The following RAB40B variants were observed in gnomAD, a reference collection of about 807,000 sequenced individuals.
The protein encoded by RAB40B is ras-related protein Rab-40B.
A neutral mutation model predicts 24.0 loss-of-function variants in RAB40B; 21 were observed. The ratio of observed to expected loss-of-function variants is 0.88; its 90% CI spans 0.62 to 1.26. The LOEUF (loss-of-function observed/expected upper bound fraction) is 1.26, where lower values mean the gene tolerates loss of function less well. Among genes scored for constraint, RAB40B ranks in the 50% most tolerant of loss-of-function variants. RAB40B has a pLI of 0.00. For missense variants in RAB40B, 348 were observed against 390.5 expected (o/e 0.89, Z 0.92); for synonymous variants, 167 against 169.8 (o/e 0.98, Z 0.13).
chr17:82,658,045 T>G lies in RAB40B; in HGVS notation c.655A>C (p.Arg219=). ...ATCGAGAAGGACTTGAGGTGGCTTC[T>G]TAAGGCAATGGGGAGCGGGAGCTTG... ...VDKLPLPIAL[R]SHLKSFSMAN... Residue 219 remains arginine (R), a synonymous_variant, in exon 6 of 6, where the codon AGA becomes CGA. Transcript: ENST00000571995. 6.2e-7 allele frequency: 1 copy of G among 1,614,208 alleles called. No homozygotes were observed. Among genetic ancestry groups the G allele is most frequent in the Non-Finnish European group, 8.5e-7 (1 of 1,180,044 alleles).
chr17:82,663,094 C>T lies in RAB40B; in HGVS notation c.203+1402G>A, dbSNP rs553239847. On this transcript the variant is annotated intron_variant, in intron 2 of 5. Coordinates refer to ENST00000571995, the MANE Select transcript of RAB40B (RefSeq NM_006822.3). This position sits in a 1 kb window ranked among gnomAD's most constrained non-coding sequence, Gnocchi z 6.2. ...GGACAGGGGCTGACGGCAACCCCAA[C>T]GCCAGCCCAGCGAGGGCATGGCCCC... Among the ~76,000 whole-genome samples, 160 of 152,258 alleles carry T rather than the reference C, an allele frequency of 1.1e-3. 1 individual carries two copies. The highest frequency in any genetic ancestry group is 3.6e-3 in the Admixed American group (55 of 15,304).
chr17:82,696,883 TTTTCTTTCC>T, intron 1 of RAB40B: 1 of 153,752 alleles, frequency 6.5e-6, no homozygotes, highest in Non-Finnish European at 1.5e-5. Context: ...AAGCTTTTTG[TTTTCTTTCC>T]TTCTAATTAC....
At position 82,698,670 on chromosome 17, in the gene RAB40B, G is replaced by C. The variant is rs1441759280; in HGVS notation, c.-74C>G. 2 of 1,109,538 alleles carry C rather than the reference G, an allele frequency of 1.8e-6. No individual in the cohort carries two copies. The highest frequency in any genetic ancestry group is 2.2e-6 in the Non-Finnish European group (2 of 896,078). 68.7% of individuals were successfully genotyped at this position (1,109,538 alleles called of 1,614,324 possible). On this transcript the variant is annotated 5_prime_UTR_variant, in exon 1 of 6. Transcript: ENST00000571995. ...CAGAGGCGGCGGCCCGGCCCCGAGA[G>C]GCGCCGCGCGGGCCCCGAGTCCTTG...
intron 1 of RAB40B, among the ~76,000 whole-genome samples, chr17:82,684,318 C>T (rs2046475538): frequency 6.6e-6 from 1 of 151,100 alleles, no homozygotes; most frequent in African/African-American, 2.4e-5. Flanking sequence ...ACAACTGAAA[C>T]ACTCACACAC....
At position 82,686,266 on chromosome 17, in the gene RAB40B, C is replaced by A. The variant is rs562477874; in HGVS notation, c.142+12189G>T. Among the ~76,000 whole-genome samples, 4 of 152,172 alleles carry A rather than the reference C, an allele frequency of 2.6e-5. No individual in the cohort carries two copies. The East Asian group carries it at 7.7e-4, about 29-fold the overall frequency. On this transcript the variant is annotated intron_variant, in intron 1 of 5. Coordinates refer to ENST00000571995, the MANE Select transcript of RAB40B (RefSeq NM_006822.3). ...AGCTGAGATAACAGGCACCTGCCACCACGCCCAGCTAATTTTTGTATTTTT... is the reference window on the plus strand; with the variant it reads ...AGCTGAGATAACAGGCACCTGCCACAACGCCCAGCTAATTTTTGTATTTTT...
chr17:82,659,732 A>G (rs917331333), intron 3 of RAB40B, 75 bp from the exon 4 acceptor site: 7 of 1,140,426 alleles, frequency 6.1e-6, no homozygotes, highest in Admixed American at 5.5e-5. Flanking sequence ...GCAAAGACAT[A>G]CAACTAAATA....
chr17:82,674,698 A>C (rs1002992655), intron 1 of RAB40B, among the ~76,000 whole-genome samples: 1 of 151,820 alleles, frequency 6.6e-6, no homozygotes, highest in Non-Finnish European at 1.5e-5. Context: ...CTGGGGAATG[A>C]CTGACTGAAC....
chr17:82,658,385 T>C, intron 5 of RAB40B, 106 bp downstream of exon 5: 3 of 1,304,438 alleles, frequency 2.3e-6, no homozygotes, highest in Non-Finnish European at 3.2e-6. Flanking sequence ...ACGGACACAG[T>C]GGCCTTGAGA....
chr17:82,691,854 G>C (rs764908893), intron 1 of RAB40B, among the ~76,000 whole-genome samples: 1 of 152,204 alleles, frequency 6.6e-6, no homozygotes, highest in Non-Finnish European at 1.5e-5. Flanking sequence ...TGCCTGGAGA[G>C]AAATGGAACT....
intron 1 of RAB40B, chr17:82,668,179 C>T (rs72853027): frequency 0.16 from 24,712 of 154,608 alleles, 2,312 homozygotes; most frequent in East Asian, 0.21. Flanking sequence ...GGTAGCTCTC[C>T]GCAGCTGGTC....
intron 1 of RAB40B, among the ~76,000 whole-genome samples, chr17:82,670,534 AT>A (rs200923067): frequency 0.13 from 16,865 of 129,624 alleles, 918 homozygotes; most frequent in Middle Eastern, 0.24. Context: ...AGAATTCCTG[AT>A]TTTTTTTTTT....
In RAB40B at chr17:82,659,629, T is replaced by A; in HGVS notation, c.293A>T (p.Asn98Ile). Residue 98 changes from asparagine (N) to isoleucine (I), a missense_variant, in exon 4 of 6, where the codon AAC (asparagine) becomes ATC (isoleucine). Asn to Ile is a moderately radical substitution (Grantham distance 149). Coordinates refer to ENST00000571995, the MANE Select transcript of RAB40B (RefSeq NM_006822.3). The part of the protein sequence containing the change: ...QGVILVYDIA[N>I]RWSFDGIDRW... ...ATCAATGCCGTCAAAAGACCAGCGG[T>A]TCGCAATGTCATAGACCAGGATCAC... 1 of 1,614,052 alleles carries A rather than the reference T, an allele frequency of 6.2e-7. No individual in the cohort carries two copies. The highest frequency in any genetic ancestry group is 8.5e-7 in the Non-Finnish European group (1 of 1,180,008).
Position 82,672,043 on chromosome 17 carries a change from C to G in RAB40B, c.143-7487G>C, listed in dbSNP as rs370574771. On this transcript the variant is annotated intron_variant, in intron 1 of 5. Coordinates refer to ENST00000571995, the MANE Select transcript of RAB40B (RefSeq NM_006822.3). ...CACGCTCCCTGTACTCACTGACACACCCCACCCCTGTAACTCTAACACACA... is the reference window on the plus strand; with the variant it reads ...CACGCTCCCTGTACTCACTGACACAGCCCACCCCTGTAACTCTAACACACA... Among the ~76,000 whole-genome samples, 96 of 31,800 alleles carry G rather than the reference C, an allele frequency of 3.0e-3. 13 individuals are homozygous for G. Among genetic ancestry groups the G allele is most frequent in the African/African-American group, 3.7e-3 (43 of 11,490 alleles). The allele number at this position is 31,800 out of a possible 152,430, so 20.9% of individuals were successfully genotyped here. A position where few individuals can be genotyped will look rare whatever the true frequency, so the allele number is the denominator to read the frequency against.
rs183356858 is a variant in RAB40B at position 82,658,772 on chromosome 17, C to T, written c.343-59G>A. ...TACTTCAGTGAGATTTTGTTGTCGT[C>T]GTAATGTGGGTGCTCTGGGTCGAGG... On this transcript the variant is annotated intron_variant, in intron 4 of 5. Coordinates refer to ENST00000571995, the MANE Select transcript of RAB40B (RefSeq NM_006822.3). The T allele has an allele frequency of 1.5e-4, 217 of 1,488,078 alleles. No homozygotes were observed. The East Asian group carries it at 3.0e-3, about 20-fold the overall frequency. The allele number at this position is 1,488,078 out of a possible 1,614,324, so 92.2% of individuals were successfully genotyped here.
intron 1 of RAB40B, among the ~76,000 whole-genome samples, chr17:82,680,719 CAAATGTTTTAATT>C (rs2046440754): frequency 1.3e-5 from 2 of 152,060 alleles, no homozygotes; most frequent in South Asian, 4.1e-4. Flanking sequence ...AGTATTGATA[CAAATGTTTTAATT>C]CTAAAATATA....
chr17:82,685,993 G>A (rs1479982248), intron 1 of RAB40B, among the ~76,000 whole-genome samples: 4 of 151,888 alleles, frequency 2.6e-5, no homozygotes, highest in South Asian at 2.1e-4. Context: ...TAGTAGAGAC[G>A]GGGTTTCACC....
chr17:82,681,938 A>G (rs2046452297), intron 1 of RAB40B, among the ~76,000 whole-genome samples: 1 of 152,174 alleles, frequency 6.6e-6, no homozygotes. Flanking sequence ...TAAAAAACAG[A>G]ACGCTTTCCC....
rs191385599 is a variant in RAB40B, at chr17:82,682,958, C to T, written c.142+15497G>A. 1.7e-4 allele frequency among the ~76,000 whole-genome samples: 26 copies of T among 152,282 alleles called. No individual in the cohort carries two copies. In the East Asian group the frequency reaches 4.6e-3, roughly 27 times the overall value. On this transcript the variant is annotated intron_variant, in intron 1 of 5. Transcript: ENST00000571995. ...AGGAGATCGAGACCATCCTGGCTAA[C>T]AAGGTAAAACCCTGTCTCTATTAAA...
chr17:82,659,993 A>G (rs2046141861), intron 3 of RAB40B, among the ~76,000 whole-genome samples: 1 of 152,248 alleles, frequency 6.6e-6, no homozygotes, highest in Non-Finnish European at 1.5e-5. Flanking sequence ...ACACGTGCAC[A>G]TACACATGGA....
Sources: allele counts gnomAD v4.1 joint callset (sites outside exome capture counted in the v4.1 genomes callset), GRCh38; gene constraint gnomAD v4.1.1; non-coding constraint Gnocchi (gnomAD v3.1); transcripts MANE v1.5; gene names NCBI Gene and HGNC (gene_info 2026-07-23, HGNC 2026-07-21).